The following IL1RAPL2 variants were observed in gnomAD, a reference collection of about 807,000 sequenced individuals.
IL1RAPL2 encodes interleukin 1 receptor accessory protein like 2.
A neutral mutation model predicts 44.1 loss-of-function variants in IL1RAPL2; 3 were observed. The ratio of observed to expected loss-of-function variants is 0.07; its 90% CI spans 0.03 to 0.18. The LOEUF (loss-of-function observed/expected upper bound fraction) is 0.18, where lower values mean the gene tolerates loss of function less well. Ranked by LOEUF, IL1RAPL2 falls within the 10% of genes least tolerant of loss-of-function variation. The probability of loss-of-function intolerance (pLI) is 1.00; values close to 1 mark genes in which losing one functional copy is unlikely to be tolerated. For missense variants in IL1RAPL2, 391 were observed against 496.4 expected, an observed-to-expected ratio of 0.79 and a Z score of 2.02; for synonymous variants, 181 against 178.8, an observed-to-expected ratio of 1.01 and a Z score of -0.10.
rs754451334 is a variant in IL1RAPL2, at chrX:105,033,338, G to T, written c.83-162137G>T. ...TAGCCTTGATGGTCTTTACATTTTG[G>T]CATGTTTTTGCAGTGGCTGGTACCG... On this transcript the variant is annotated intron_variant, in intron 2 of 10. Transcript: ENST00000372582. Among the ~76,000 whole-genome samples the T allele has an allele frequency of 3.9e-4, 43 of 111,517 alleles. No individual in the cohort carries two copies. In the East Asian group the frequency reaches 0.012, roughly 32 times the overall value.
At chrX:104,725,329 T>C (rs1931766742) in intron 2 of IL1RAPL2, among the ~76,000 whole-genome samples, 1 of 112,035 alleles carries the variant, frequency 8.9e-6, no homozygotes, top group Non-Finnish European at 1.9e-5. Flanking sequence ...TTGTGAATAG[T>C]GCCACAATAA....
intron 6 of IL1RAPL2, among the ~76,000 whole-genome samples, chrX:105,715,063 A>G (rs2038245418): frequency 1.8e-5 from 2 of 112,249 alleles, no homozygotes; most frequent in African/African-American, 6.5e-5. Context: ...GGCCTGCTAG[A>G]CTAGAGCATG....
At position 105,525,345 on chromosome X, in the gene IL1RAPL2, A is replaced by T. The variant is rs755735327; in HGVS notation, c.772+40958A>T. Among the ~76,000 whole-genome samples the T allele has an allele frequency of 9.9e-4, 109 of 110,574 alleles. No homozygotes were observed. The East Asian group carries it at 0.01, about 11-fold the overall frequency. On this transcript the variant is annotated intron_variant, in intron 6 of 10. Transcript: ENST00000372582. The stretch of plus-strand genomic sequence containing the variant: ...TGATTTAAATTAGCGTTTTCTCATT[A>T]CTCTGAATTGGTAAAAAAAAAATCT...
At chrX:105,647,551 G>A (rs945394902) in intron 6 of IL1RAPL2, among the ~76,000 whole-genome samples, 1 of 111,724 alleles carries the variant, frequency 9.0e-6, no homozygotes, top group Non-Finnish European at 1.9e-5. Context: ...TACAAACCCC[G>A]TGTTTAAAGG....
intron 5 of IL1RAPL2, among the ~76,000 whole-genome samples, chrX:105,424,924 A>G (rs2035798838): frequency 9.1e-6 from 1 of 109,806 alleles, no homozygotes; most frequent in East Asian, 2.9e-4. Flanking sequence ...TCTGTGGGAC[A>G]TCACCCGGGG....
At chrX:104,876,151 C>A (rs989186353) in intron 2 of IL1RAPL2, among the ~76,000 whole-genome samples, 1 of 111,127 alleles carries the variant, frequency 9.0e-6, no homozygotes, top group Non-Finnish European at 1.9e-5. Flanking sequence ...TAATGAAGGG[C>A]CTGTTCTGCA....
chrX:105,183,863 T>G (rs782601657), intron 2 of IL1RAPL2, among the ~76,000 whole-genome samples: 12 of 111,341 alleles, frequency 1.1e-4, no homozygotes, highest in African/African-American at 3.6e-4. Flanking sequence ...CAGCACAGAA[T>G]CCAGTCTCTT....
chrX:105,637,219 T>A (rs2037530510), intron 6 of IL1RAPL2, among the ~76,000 whole-genome samples: 1 of 111,949 alleles, frequency 8.9e-6, no homozygotes, highest in Admixed American at 9.5e-5. Context: ...TCTCTCTGCA[T>A]ATACACCACT....
chrX:105,611,399 C>T (rs369065675), intron 6 of IL1RAPL2, among the ~76,000 whole-genome samples: 5 of 111,462 alleles, frequency 4.5e-5, no homozygotes, highest in African/African-American at 1.6e-4. Context: ...ATTTACTGAC[C>T]ACTCTGTGAC....
chrX:105,035,555 G>C (rs183545079), intron 2 of IL1RAPL2, among the ~76,000 whole-genome samples: 1 of 111,516 alleles, frequency 9.0e-6, no homozygotes, highest in Admixed American at 9.5e-5. Flanking sequence ...TCCCACAGGG[G>C]AATAAAAAAA....
intron 2 of IL1RAPL2, among the ~76,000 whole-genome samples, chrX:104,798,190 G>A: frequency 8.9e-6 from 1 of 111,740 alleles, no homozygotes; most frequent in Middle Eastern, 4.6e-3. Context: ...TTCTGTATCT[G>A]AATAATGTAT....
At chrX:105,246,160 A>G (rs751897228) in intron 4 of IL1RAPL2, among the ~76,000 whole-genome samples, 1 of 112,637 alleles carries the variant, frequency 8.9e-6, no homozygotes, top group African/African-American at 3.2e-5. Flanking sequence ...AATATCTAAA[A>G]GAACAGCTCC....
intron 2 of IL1RAPL2, among the ~76,000 whole-genome samples, chrX:104,832,441 C>T (rs1279512842): frequency 9.1e-6 from 1 of 109,798 alleles, no homozygotes; most frequent in Non-Finnish European, 1.9e-5. Context: ...AAACTTGAGG[C>T]TCTGTTCTTG....
intron 6 of IL1RAPL2, among the ~76,000 whole-genome samples, chrX:105,626,641 A>G (rs1246100228): frequency 9.0e-6 from 1 of 111,557 alleles, no homozygotes; most frequent in Non-Finnish European, 1.9e-5. Context: ...GTACAAGTGC[A>G]ATTTTGTTAC....
intron 2 of IL1RAPL2, among the ~76,000 whole-genome samples, chrX:104,812,348 G>A (rs959657587): frequency 1.8e-5 from 2 of 110,756 alleles, no homozygotes; most frequent in Non-Finnish European, 3.8e-5. Flanking sequence ...TTATGCTTGG[G>A]TTTGGAAAAA....
intron 6 of IL1RAPL2, among the ~76,000 whole-genome samples, chrX:105,605,189 C>T (rs976520696): frequency 9.0e-6 from 1 of 110,902 alleles, no homozygotes; most frequent in African/African-American, 3.3e-5. Flanking sequence ...TGATCTTATA[C>T]ATATATAAAT....
intron 6 of IL1RAPL2, among the ~76,000 whole-genome samples, chrX:105,544,948 G>A: frequency 9.0e-6 from 1 of 111,230 alleles, no homozygotes; most frequent in East Asian, 2.8e-4. Flanking sequence ...ACCTCCTTCA[G>A]ATTAATACTA....
intron 1 of IL1RAPL2, among the ~76,000 whole-genome samples, chrX:104,581,286 C>T (rs1176576070): frequency 3.6e-5 from 4 of 111,766 alleles, no homozygotes; most frequent in African/African-American, 9.7e-5. Context: ...TTATGTGGCT[C>T]GGCCAACTTT....
intron 2 of IL1RAPL2, among the ~76,000 whole-genome samples, chrX:104,681,503 A>G (rs1025752365): frequency 8.9e-6 from 1 of 112,516 alleles, no homozygotes; most frequent in African/African-American, 3.2e-5. Flanking sequence ...AAGTACTGCA[A>G]TTATTTTTCC....
Sources: gnomAD v4.1 joint callset for allele counts (sites outside exome capture counted in the v4.1 genomes callset) on GRCh38, gnomAD v4.1.1 for gene constraint, MANE v1.5 for transcripts, NCBI Gene and HGNC (gene_info 2026-07-23, HGNC 2026-07-21) for gene names.